The following TEX101 variants were observed in gnomAD, a reference collection of about 807,000 sequenced individuals.
TEX101 encodes the protein testis-expressed protein 101.
In TEX101, 10 loss-of-function variants were observed where a neutral mutation model predicts 18.1. The ratio of observed to expected loss-of-function variants is 0.55; its 90% CI spans 0.34 to 0.94. TEX101 has a LOEUF of 0.94. Ranked by LOEUF, TEX101 falls within the 40% of genes least tolerant of loss-of-function variation. The pLI is 0.02. For synonymous variants in TEX101, 94 were observed against 114.8 expected (o/e 0.82, Z 1.16); for missense variants, 259 against 298.9 (o/e 0.87, Z 0.98).
At chr19:43,407,317 T>G (rs1004509601) in intron 3 of TEX101, among the ~76,000 whole-genome samples, 2 of 152,022 alleles carry the variant, frequency 1.3e-5, no homozygotes, top group Admixed American at 1.3e-4. Flanking sequence ...AACCCCCATC[T>G]CTACTGAAAA....
At chr19:43,405,852 T>C (rs556693304) in intron 2 of TEX101, among the ~76,000 whole-genome samples, 3 of 151,538 alleles carry the variant, frequency 2.0e-5, no homozygotes, top group African/African-American at 4.8e-5. Flanking sequence ...GAGGCGGAGG[T>C]TGCAGTGAGC....
chr19:43,413,814 G>C (rs1970441340), upstream of TEX101, among the ~76,000 whole-genome samples: 1 of 152,128 alleles, frequency 6.6e-6, no homozygotes, highest in African/African-American at 2.4e-5. Context: ...TTAGCCAGGT[G>C]TGGTGGCAGG....
upstream of TEX101, among the ~76,000 whole-genome samples, chr19:43,413,021 GTAA>G (rs948969767): frequency 1.3e-5 from 2 of 152,144 alleles, no homozygotes; most frequent in African/African-American, 4.8e-5. Flanking sequence ...GTTAAAAAAA[GTAA>G]TAATAATAAC....
At chr19:43,390,397 T>C in the TEX101 span, among the ~76,000 whole-genome samples, 1 of 149,724 alleles carries the variant, frequency 6.7e-6, no homozygotes, top group African/African-American at 2.4e-5. Flanking sequence ...AAAATATATA[T>C]AACATAGAAT....
chr19:43,406,053 C>T (rs1013683008), intron 2 of TEX101, among the ~76,000 whole-genome samples: 9 of 123,058 alleles, frequency 7.3e-5, no homozygotes, highest in African/African-American at 2.9e-4. Context: ...GAGACCAGCC[C>T]GGACAACATA....
the TEX101 span, among the ~76,000 whole-genome samples, chr19:43,391,758 G>A: frequency 4.6e-5 from 7 of 152,226 alleles, no homozygotes; most frequent in Admixed American, 2.6e-4. Context: ...GGTCGTTCCC[G>A]GTCTGTGGCC....
At chr19:43,396,898 AT>A (rs1384785577), upstream of TEX101, among the ~76,000 whole-genome samples, 5 of 130,256 alleles carry the variant, frequency 3.8e-5, no homozygotes, top group African/African-American at 1.5e-4. Flanking sequence ...GTGCAGTGGC[AT>A]GATCTCCACT....
chr19:43,400,007 GT>G (rs1568454671), upstream of TEX101, among the ~76,000 whole-genome samples: 1 of 151,850 alleles, frequency 6.6e-6, no homozygotes, highest in East Asian at 1.9e-4. Context: ...TAAAGACAGG[GT>G]TTCACCATGT....
intron 4 of TEX101, 90 bp downstream of exon 4, chr19:43,416,645 C>G: frequency 7.4e-7 from 1 of 1,346,832 alleles, no homozygotes; most frequent in Non-Finnish European, 1.0e-6. Flanking sequence ...TTGGCTTAGC[C>G]TAAGTGGTCC....
At chr19:43,402,423 A>G (rs1238471580) in intron 1 of TEX101, among the ~76,000 whole-genome samples, 1 of 152,240 alleles carries the variant, frequency 6.6e-6, no homozygotes, top group Non-Finnish European at 1.5e-5. Context: ...ACCTTACATC[A>G]ATAAAAGAGA....
At position 43,418,295 on chromosome 19, in the gene TEX101, A is replaced by G. The variant is rs900010074; in HGVS notation, c.648A>G (p.Gln216=). 1.9e-6 allele frequency: 3 copies of G among 1,614,076 alleles called. No individual in the cohort carries two copies. The highest frequency in any genetic ancestry group is 1.7e-6 in the Non-Finnish European group (2 of 1,180,002). ...REACPHQLLT[Q]PRKTENGATC... is the part of the protein sequence containing the mutation. ...CGTGCCCACATCAGCTGCTCACTCA[A>G]CCTCGAAAGACTGAAAATGGGGCCA... Residue 216 remains glutamine, a synonymous_variant, in exon 6 of 6, where the codon CAA becomes CAG. Coordinates refer to ENST00000598265, the MANE Select transcript of TEX101 (RefSeq NM_001130011.3).
the TEX101 span, among the ~76,000 whole-genome samples, chr19:43,392,500 C>T: frequency 6.6e-6 from 1 of 152,086 alleles, no homozygotes; most frequent in Non-Finnish European, 1.5e-5. Flanking sequence ...TCACCCTCAT[C>T]CTTGTCCTGA....
At chr19:43,418,139 G>C in intron 5 of TEX101, 29 bp from the exon 6 acceptor site, 2 of 1,613,216 alleles carry the variant, frequency 1.2e-6, no homozygotes, top group East Asian at 4.5e-5. Flanking sequence ...AAACATCTCT[G>C]TCTCTCCCGA....
upstream of TEX101, among the ~76,000 whole-genome samples, chr19:43,413,214 A>G (rs940314515): frequency 1.3e-5 from 2 of 152,222 alleles, no homozygotes; most frequent in African/African-American, 4.8e-5. Flanking sequence ...GCCTTTAAAA[A>G]GGCCAAGAAT....
At chr19:43,408,361 C>T (rs1970389371) in intron 3 of TEX101, among the ~76,000 whole-genome samples, 1 of 152,214 alleles carries the variant, frequency 6.6e-6, no homozygotes, top group South Asian at 2.1e-4. Flanking sequence ...CCGGTGGCCC[C>T]TATTCGAGGG....
upstream of TEX101, among the ~76,000 whole-genome samples, chr19:43,396,826 ATTTTTTTTTTTTTTTTT>A (rs1202828153): frequency 9.6e-5 from 8 of 82,914 alleles, no homozygotes; most frequent in Admixed American, 4.8e-4. Flanking sequence ...TGTTTTCAGC[ATTTTTTTTTTTTTTTTT>A]TTTTTTTTTT....
chr19:43,405,010 G>A (rs188614329), intron 2 of TEX101, among the ~76,000 whole-genome samples: 12 of 152,148 alleles, frequency 7.9e-5, no homozygotes, highest in Non-Finnish European at 1.2e-4. Context: ...GCAAATACAC[G>A]TTAAAATGTA....
chr19:43,392,195 G>C, the TEX101 span, among the ~76,000 whole-genome samples: 1 of 152,166 alleles, frequency 6.6e-6, no homozygotes, highest in South Asian at 2.1e-4. Flanking sequence ...AGGGGACAGA[G>C]ACATTAACAC....
Position 43,416,456 on chromosome 19 carries a change from C to A in TEX101, c.292C>A (p.Pro98Thr), listed in dbSNP as rs748271952. The change falls in exon 4 of 6, where the codon CCC becomes ACC. Residue 98 changes from proline (P) to threonine (T), a missense_variant. Transcript: ENST00000598265. ...AACAATTGTCCAGCACTCTTCACCT[C>A]CCGGCCTGATCGTGACCTCCTACAG... is the stretch of plus-strand genomic sequence containing the variant. ...AITIVQHSSP[P>T]GLIVTSYSNY... 2.5e-6 allele frequency: 4 copies of A among 1,614,084 alleles called. No individual in the cohort carries two copies. The African/African-American group carries it at 4.0e-5, about 16-fold the overall frequency.
Sources: allele counts gnomAD v4.1 joint callset (sites outside exome capture counted in the v4.1 genomes callset), GRCh38; gene constraint gnomAD v4.1.1; transcripts MANE v1.5; gene names NCBI Gene and HGNC (gene_info 2026-07-23, HGNC 2026-07-21).